Variants in SHANK2 observed in about 807,000 individuals in gnomAD.
SHANK2 encodes SH3 and multiple ankyrin repeat domains 2.
A neutral mutation model predicts 133.7 loss-of-function variants in SHANK2; 43 were observed. The ratio of observed to expected loss-of-function variants is 0.32; its 90% CI spans 0.25 to 0.41. SHANK2 has a LOEUF of 0.41. SHANK2 is among the 10% of genes least tolerant of loss of function. The probability of loss-of-function intolerance (pLI) is 1.00; values close to 1 mark genes in which losing one functional copy is unlikely to be tolerated. For missense variants in SHANK2, 1,994 were observed against 2,235.8 expected (o/e 0.89, Z 2.18); for synonymous variants, 1,017 against 952.8 (o/e 1.07, Z -1.24).
rs558347063 is a variant in SHANK2, at chr11:71,217,151, C to T, written c.-13+7546G>A. 2.5e-3 allele frequency among the ~76,000 whole-genome samples: 375 copies of T among 151,698 alleles called. 1 individual carries two copies. The highest frequency in any genetic ancestry group is 8.8e-3 in the African/African-American group (364 of 41,294). On this transcript the variant is annotated intron_variant, in intron 2 of 25. Transcript: ENST00000601538. ...GGTAGAAGATGAAGTGAGTCAAGATCGTGCCATTGCACTCCAGCCTGGGTG... is the reference window on the plus strand; with the variant it reads ...GGTAGAAGATGAAGTGAGTCAAGATTGTGCCATTGCACTCCAGCCTGGGTG...
intron 17 of SHANK2, among the ~76,000 whole-genome samples, chr11:70,644,647 T>C (rs1555007610): frequency 6.6e-6 from 1 of 152,212 alleles, no homozygotes; most frequent in East Asian, 1.9e-4. Flanking sequence ...CTTTCCAACA[T>C]GCATTCCCAG....
chr11:70,896,431 G>C, intron 11 of SHANK2, 70 bp downstream of exon 11: 1 of 661,344 alleles, frequency 1.5e-6, no homozygotes. Context: ...TTAAAAAGCT[G>C]GTGAGTGACT....
At position 71,175,550 on chromosome 11, in the gene SHANK2, GGGAGAGAGA is replaced by G. The variant is rs1565496267; in HGVS notation, c.-12-28221_-12-28213del. On this transcript the variant is annotated intron_variant, in intron 2 of 25. Coordinates refer to ENST00000601538, the MANE Select transcript of SHANK2 (RefSeq NM_012309.5). The surrounding 1 kb of genome is among the most constrained non-coding windows in gnomAD (Gnocchi z 4.2). ...ACAGACAGACAGAGGGAGAGGGAGA[GGGAGAGAGA>G]GAGAGAGAGAGAGAGAGAGAGAGAG... Among the ~76,000 whole-genome samples, 2 of 15,134 alleles carry G rather than the reference GGGAGAGAGA, an allele frequency of 1.3e-4. No individual in the cohort carries two copies. Among genetic ancestry groups the G allele is most frequent in the Non-Finnish European group, 4.1e-4 (2 of 4,894 alleles). The allele number at this position is 15,134 out of a possible 152,430, so 9.9% of individuals were successfully genotyped here.
At chr11:70,617,100 T>C (rs967260724) in intron 17 of SHANK2, among the ~76,000 whole-genome samples, 1 of 151,926 alleles carries the variant, frequency 6.6e-6, no homozygotes, top group Non-Finnish European at 1.5e-5. Flanking sequence ...TATGAGAGTG[T>C]GTATGTGTGT....
intron 17 of SHANK2, among the ~76,000 whole-genome samples, chr11:70,625,852 A>G (rs929538942): frequency 1.3e-5 from 2 of 150,462 alleles, no homozygotes; most frequent in Non-Finnish European, 2.9e-5. Context: ...ACGTTTGTGC[A>G]TAAAATACAC....
intron 10 of SHANK2, among the ~76,000 whole-genome samples, chr11:70,904,727 C>T (rs1950075008): frequency 1.3e-5 from 2 of 152,070 alleles, no homozygotes; most frequent in East Asian, 1.9e-4. Flanking sequence ...AGGCTGGTCT[C>T]GAACTCCTGA....
chr11:71,073,147 C>CTTTTCTTTTTTTTT (rs1951166965), intron 9 of SHANK2, among the ~76,000 whole-genome samples: 1 of 62,716 alleles, frequency 1.6e-5, no homozygotes, highest in African/African-American at 4.2e-5. Flanking sequence ...TTTTTCTTTT[C>CTTTTCTTTTTTTTT]TTTTTTTTCT....
rs141875145 is a variant in SHANK2 at position 70,536,954 on chromosome 11, C to A, written c.2062-34023G>T. Among the ~76,000 whole-genome samples the A allele has an allele frequency of 4.0e-5, 6 of 151,840 alleles. No individual in the cohort carries two copies. In the East Asian group the frequency reaches 1.2e-3, roughly 29 times the overall value. On this transcript the variant is annotated intron_variant, in intron 17 of 25. Coordinates refer to ENST00000601538, the MANE Select transcript of SHANK2 (RefSeq NM_012309.5). ...AGGACAGAGCAGAGGACCCTTCTTA[C>A]TCCAGGAAATAAACAGCATTTTCTG...
At chr11:70,650,604 C>A (rs1591705278) in intron 17 of SHANK2, among the ~76,000 whole-genome samples, 1 of 152,206 alleles carries the variant, frequency 6.6e-6, no homozygotes, top group Non-Finnish European at 1.5e-5. Context: ...CCCAGGCCCC[C>A]ACTAGACCAG....
chr11:70,675,216 C>A (rs1469183193), intron 15 of SHANK2, among the ~76,000 whole-genome samples: 1 of 152,184 alleles, frequency 6.6e-6, no homozygotes, highest in Non-Finnish European at 1.5e-5. Context: ...TGGGGATAGA[C>A]CTGAATTCTG....
chr11:70,814,335 AAAAG>A (rs1487188332), intron 12 of SHANK2, among the ~76,000 whole-genome samples: 3 of 151,662 alleles, frequency 2.0e-5, no homozygotes, highest in Admixed American at 1.3e-4. Context: ...AAAAAAAAAA[AAAAG>A]AAAGTCAGGG....
Position 71,183,132 on chromosome 11 carries a change from C to T in SHANK2, c.-12-35794G>A, listed in dbSNP as rs548635141. ...CGATGAGGAGGATGGGATACTCCCA[C>T]AGACAAGGCTTTCTGGAAGGCGAAA... On this transcript the variant is annotated intron_variant, in intron 2 of 25. Coordinates refer to ENST00000601538, the MANE Select transcript of SHANK2 (RefSeq NM_012309.5). Among the ~76,000 whole-genome samples the T allele has an allele frequency of 3.9e-5, 6 of 152,112 alleles. No individual in the cohort carries two copies. The South Asian group carries it at 1.2e-3, about 32-fold the overall frequency.
At chr11:70,709,898 G>C (rs1945743093) in intron 14 of SHANK2, among the ~76,000 whole-genome samples, 1 of 152,116 alleles carries the variant, frequency 6.6e-6, no homozygotes, top group Non-Finnish European at 1.5e-5. Flanking sequence ...CGGGGGTCCA[G>C]GGTAGGATGT....
chr11:71,237,271 G>A (rs1289032545), intron 1 of SHANK2, among the ~76,000 whole-genome samples: 1 of 152,180 alleles, frequency 6.6e-6, no homozygotes, highest in African/African-American at 2.4e-5. Context: ...GCAGAACCAT[G>A]AGCTAAATAA....
chr11:70,705,147 A>G (rs965454644), intron 14 of SHANK2: 2 of 152,144 alleles, frequency 1.3e-5, no homozygotes, highest in African/African-American at 4.8e-5. Flanking sequence ...AGATTGGGGA[A>G]TTTTTTATTT....
intron 12 of SHANK2, among the ~76,000 whole-genome samples, chr11:70,814,830 A>C (rs1948355745): frequency 6.6e-6 from 1 of 152,240 alleles, no homozygotes; most frequent in Non-Finnish European, 1.5e-5. Flanking sequence ...GAGGGTGGCC[A>C]GGACATTCCC....
chr11:70,768,462 G>A (rs566845774), intron 14 of SHANK2, among the ~76,000 whole-genome samples: 3 of 152,286 alleles, frequency 2.0e-5, no homozygotes, highest in Non-Finnish European at 4.4e-5. Context: ...TTCAGGGAAG[G>A]CCCTTGGAGT....
Position 70,486,504 on chromosome 11 carries a change from C to G in SHANK2, c.3789G>C (p.Thr1263=), listed in dbSNP as rs560475504. 1.2e-6 allele frequency: 2 copies of G among 1,614,100 alleles called. No individual in the cohort carries two copies. The highest frequency in any genetic ancestry group is 1.7e-6 in the Non-Finnish European group (2 of 1,180,036). The change falls in exon 25 of 26, where the codon ACG becomes ACC. Residue 1263 remains threonine, a synonymous_variant. Coordinates refer to ENST00000601538, the MANE Select transcript of SHANK2 (RefSeq NM_012309.5). This position sits in a 1 kb window ranked among gnomAD's most constrained non-coding sequence, Gnocchi z 8.0. ...MRPSLDAGFP[T]VTRQNTRGPL... ...GTCCCCGGGTGTTCTGCCTGGTGAC[C>G]GTAGGGAAGCCGGCATCCAGGCTGG...
intron 1 of SHANK2, among the ~76,000 whole-genome samples, chr11:71,239,303 T>C (rs1954860185): frequency 6.6e-6 from 1 of 152,202 alleles, no homozygotes; most frequent in Non-Finnish European, 1.5e-5. Context: ...GGTGATTCCA[T>C]GAGACCATAT....
Sources: allele counts gnomAD v4.1 joint callset (sites outside exome capture counted in the v4.1 genomes callset), GRCh38; gene constraint gnomAD v4.1.1; non-coding constraint Gnocchi (gnomAD v3.1); transcripts MANE v1.5; gene names NCBI Gene and HGNC (gene_info 2026-07-23, HGNC 2026-07-21).